DMRT1: variants seen among roughly 807,000 people sequenced by gnomAD.
DMRT1 encodes the protein doublesex- and mab-3-related transcription factor 1.
A neutral mutation model predicts 32.3 loss-of-function variants in DMRT1; 7 were observed. That is an observed-to-expected ratio of 0.22 (90% CI 0.12 to 0.41). The LOEUF is 0.41. Among genes scored for constraint, DMRT1 ranks in the 10% least tolerant of loss-of-function variants. The pLI, the probability that DMRT1 is intolerant of heterozygous loss-of-function variation, is 1.00. For synonymous variants in DMRT1, 278 were observed against 206.1 expected (o/e 1.35, Z -2.99); for missense variants, 625 against 500.5 (o/e 1.25, Z -2.37).
chr9:891,541 G>A (rs1817150508), intron 2 of DMRT1, among the ~76,000 whole-genome samples: 1 of 149,136 alleles, frequency 6.7e-6, no homozygotes, highest in African/African-American at 2.5e-5. Flanking sequence ...CCCAGACGGA[G>A]TCTTGCTCTG....
At chr9:902,112 G>A (rs1006347482) in intron 3 of DMRT1, among the ~76,000 whole-genome samples, 7 of 151,614 alleles carry the variant, frequency 4.6e-5, no homozygotes, top group Non-Finnish European at 4.4e-5. Context: ...GTTTTGCCAT[G>A]TTGGCCAGGC....
chr9:941,184 C>A (rs974450609), intron 4 of DMRT1, among the ~76,000 whole-genome samples: 1 of 152,092 alleles, frequency 6.6e-6, no homozygotes, highest in African/African-American at 2.4e-5. Context: ...GATATTTACC[C>A]CAAAGAAGTG....
chr9:919,568 A>G (rs2129791365), intron 4 of DMRT1, among the ~76,000 whole-genome samples: 1 of 152,316 alleles, frequency 6.6e-6, no homozygotes, highest in Admixed American at 6.5e-5. Flanking sequence ...GTGGAGTCAG[A>G]TCTTGCAGGT....
chr9:949,779 T>C (rs80218312), intron 4 of DMRT1, among the ~76,000 whole-genome samples: 1 of 152,202 alleles, frequency 6.6e-6, no homozygotes, highest in Non-Finnish European at 1.5e-5. Flanking sequence ...GTTTGGCTAT[T>C]TTAGATTTCT....
intron 3 of DMRT1, among the ~76,000 whole-genome samples, chr9:906,293 C>T (rs998062663): frequency 1.3e-5 from 2 of 152,132 alleles, no homozygotes; most frequent in Admixed American, 6.6e-5. Context: ...TAGAATGTGG[C>T]CCCAGACAGC....
At chr9:934,408 G>A (rs545238337) in intron 4 of DMRT1, among the ~76,000 whole-genome samples, 27 of 152,310 alleles carry the variant, frequency 1.8e-4, no homozygotes, top group African/African-American at 6.0e-4. Flanking sequence ...GCATGCATCT[G>A]TAGTCCTAGC....
At chr9:924,646 C>T (rs538415268) in intron 4 of DMRT1, among the ~76,000 whole-genome samples, 1 of 152,266 alleles carries the variant, frequency 6.6e-6, no homozygotes, top group East Asian at 1.9e-4. Context: ...AGCTAGACAT[C>T]ATGGTCTGCC....
chr9:964,456 C>A (rs1379401903), intron 4 of DMRT1, among the ~76,000 whole-genome samples: 1 of 151,998 alleles, frequency 6.6e-6, no homozygotes, highest in East Asian at 1.9e-4. Context: ...GAGGTTTACC[C>A]ACCTTTCATT....
intron 3 of DMRT1, among the ~76,000 whole-genome samples, chr9:895,625 A>T (rs140448076): frequency 3.2e-3 from 489 of 152,292 alleles, no homozygotes; most frequent in South Asian, 0.021. Context: ...TGATTGCCAC[A>T]ATTAAGCTAA....
At chr9:905,185 C>G (rs1180193869) in intron 3 of DMRT1, among the ~76,000 whole-genome samples, 1 of 152,178 alleles carries the variant, frequency 6.6e-6, no homozygotes, top group East Asian at 1.9e-4. Context: ...CTGCCTCCCC[C>G]CAGGATGGGT....
intron 2 of DMRT1, among the ~76,000 whole-genome samples, chr9:879,181 A>C (rs978296489): frequency 6.6e-6 from 1 of 152,244 alleles, no homozygotes; most frequent in Non-Finnish European, 1.5e-5. Flanking sequence ...GGAAGTTCTC[A>C]AACTTTTTAC....
At chr9:885,761 A>G (rs964407692) in intron 2 of DMRT1, among the ~76,000 whole-genome samples, 2 of 152,194 alleles carry the variant, frequency 1.3e-5, no homozygotes, top group Admixed American at 6.5e-5. Context: ...AGGCTTCTGC[A>G]GTGGAGCCTT....
At chr9:876,806 C>G (rs557946510) in intron 2 of DMRT1, among the ~76,000 whole-genome samples, 2 of 152,190 alleles carry the variant, frequency 1.3e-5, no homozygotes, top group Non-Finnish European at 2.9e-5. Flanking sequence ...GCTGAGATTA[C>G]AGGCATGACC....
At chr9:953,095 G>A (rs1819482326) in intron 4 of DMRT1, among the ~76,000 whole-genome samples, 1 of 152,196 alleles carries the variant, frequency 6.6e-6, no homozygotes, top group South Asian at 2.1e-4. Context: ...GTGTGTCCCT[G>A]TGAAGAATGC....
chr9:967,931 T>G (rs1331463367), intron 4 of DMRT1, 54 bp from the exon 5 acceptor site: 1 of 1,487,230 alleles, frequency 6.7e-7, no homozygotes, highest in Non-Finnish European at 9.1e-7. Flanking sequence ...CCAGCCACTT[T>G]TAACATTACT....
intron 4 of DMRT1, among the ~76,000 whole-genome samples, chr9:962,866 T>C (rs1261613826): frequency 6.6e-6 from 1 of 152,138 alleles, no homozygotes; most frequent in Non-Finnish European, 1.5e-5. Context: ...GCAGCTACAG[T>C]AGGACCAGAC....
At chr9:856,329 TA>T (rs2132564546) in intron 2 of DMRT1, among the ~76,000 whole-genome samples, 1 of 152,344 alleles carries the variant, frequency 6.6e-6, no homozygotes, top group South Asian at 2.1e-4. Flanking sequence ...TGTTTTTTAG[TA>T]AATTCACAGG....
At chr9:915,734 A>AT (rs1818154954) in intron 3 of DMRT1, among the ~76,000 whole-genome samples, 1 of 151,304 alleles carries the variant, frequency 6.6e-6, no homozygotes, top group Non-Finnish European at 1.5e-5. Flanking sequence ...TGTTTTTTTT[A>AT]ATATATATAT....
At chr9:861,330 T>G (rs1447379635) in intron 2 of DMRT1, among the ~76,000 whole-genome samples, 1 of 152,164 alleles carries the variant, frequency 6.6e-6, no homozygotes, top group East Asian at 1.9e-4. Flanking sequence ...CCGCCCTTAA[T>G]CCATTTAACC....
Sources: gnomAD v4.1 joint callset for allele counts (sites outside exome capture counted in the v4.1 genomes callset) on GRCh38, gnomAD v4.1.1 for gene constraint, MANE v1.5 for transcripts, NCBI Gene and HGNC (gene_info 2026-07-23, HGNC 2026-07-21) for gene names.